The following DYDC2 variants were observed in gnomAD, a reference collection of about 807,000 sequenced individuals.
DYDC2 encodes DPY30 domain containing 2, also known as DPY30 domain-containing protein 2.
A neutral mutation model predicts 18.7 loss-of-function variants in DYDC2; 19 were observed. The ratio of observed to expected loss-of-function variants is 1.02; its 90% confidence interval spans 0.71 to 1.49. DYDC2 has a LOEUF of 1.49. Ranked by LOEUF, DYDC2 falls within the 40% of genes most tolerant of loss-of-function variation. The pLI, the probability that DYDC2 is intolerant of heterozygous loss-of-function variation, is 0.00. For missense variants in DYDC2, 179 were observed against 205.1 expected (o/e 0.87, Z 0.78); for synonymous variants, 63 against 67.6 (o/e 0.93, Z 0.34).
intron 1 of DYDC2, among the ~76,000 whole-genome samples, chr10:80,346,152 AT>A (rs1226849139): frequency 1.3e-5 from 2 of 151,944 alleles, no homozygotes; most frequent in Non-Finnish European, 2.9e-5. Context: ...TCAGCTCACA[AT>A]TTCTTTATCC....
At chr10:80,346,444 C>CTTTT (rs1032729095) in intron 1 of DYDC2, among the ~76,000 whole-genome samples, 4,108 of 83,210 alleles carry the variant, frequency 0.049, 348 homozygotes, top group South Asian at 0.11. Context: ...TCTTCCCTTT[C>CTTTT]TTTTTTTTTT....
intron 1 of DYDC2, among the ~76,000 whole-genome samples, chr10:80,349,481 TA>T (rs1564664880): frequency 2.0e-5 from 3 of 152,182 alleles, no homozygotes; most frequent in Admixed American, 2.0e-4. Flanking sequence ...CAATGCATTC[TA>T]AAATAATAAA....
At chr10:80,365,624 G>A (rs927462786) in intron 4 of DYDC2, among the ~76,000 whole-genome samples, 1 of 152,148 alleles carries the variant, frequency 6.6e-6, no homozygotes, top group African/African-American at 2.4e-5. Context: ...GAAGTGGAGG[G>A]GATCAGTAGA....
rs370253246 is a variant in DYDC2 at position 80,366,770 on chromosome 10, A to G, written c.353A>G (p.Lys118Arg). Reference sequence around the variant, plus strand: ...AACCCCCTTGAGAAGGAGGCCTTGAAGCAGGAATTCCTGCCAGGTACTTCC... The same window carrying G: ...AACCCCCTTGAGAAGGAGGCCTTGAGGCAGGAATTCCTGCCAGGTACTTCC... Reference protein sequence around the residue: ...DTNPLEKEALKQEFLPGTSSL... With the variant: ...DTNPLEKEALRQEFLPGTSSL... The change falls in exon 5 of 5, where the codon AAG (lysine) becomes AGG (arginine). Residue 118 changes from lysine to arginine, a missense_variant. By Grantham distance (26) the Lys-to-Arg change is conservative. Coordinates refer to ENST00000256039, the MANE Select transcript of DYDC2 (RefSeq NM_032372.6). 3.2e-5 allele frequency: 51 copies of G among 1,614,174 alleles called. No homozygotes were observed. Among genetic ancestry groups the G allele is most frequent in the Non-Finnish European group, 4.3e-5 (51 of 1,180,016 alleles).
At chr10:80,355,677 C>A (rs1438588259), upstream of DYDC2, among the ~76,000 whole-genome samples, 1 of 152,038 alleles carries the variant, frequency 6.6e-6, no homozygotes, top group Non-Finnish European at 1.5e-5. Flanking sequence ...CTCTAAGACA[C>A]AGAATAAAGA....
intron 1 of DYDC2, among the ~76,000 whole-genome samples, chr10:80,346,918 T>C: frequency 6.6e-6 from 1 of 150,588 alleles, no homozygotes; most frequent in Non-Finnish European, 1.5e-5. Context: ...CTACTAAAAA[T>C]ACAAAAAAAA....
intron 1 of DYDC2, among the ~76,000 whole-genome samples, chr10:80,357,408 A>G (rs896944642): frequency 2.0e-5 from 3 of 152,018 alleles, no homozygotes; most frequent in Non-Finnish European, 4.4e-5. Context: ...GGGGCACACA[A>G]AAGAGCAAGG....
intron 1 of DYDC2, among the ~76,000 whole-genome samples, chr10:80,348,635 A>G (rs1005531444): frequency 2.0e-5 from 3 of 152,270 alleles, no homozygotes; most frequent in Non-Finnish European, 4.4e-5. Flanking sequence ...AAATTTCCAT[A>G]TTCTGAAATC....
intron 3 of DYDC2, 149 bp downstream of exon 3, chr10:80,362,739 G>T: frequency 7.2e-7 from 1 of 1,381,944 alleles, no homozygotes; most frequent in South Asian, 1.5e-5. Context: ...GAAGCATGGG[G>T]ATCCTGGGGG....
At chr10:80,364,585 G>C (rs1011703659) in intron 4 of DYDC2, among the ~76,000 whole-genome samples, 1 of 152,150 alleles carries the variant, frequency 6.6e-6, no homozygotes, top group Admixed American at 6.6e-5. Flanking sequence ...CTGAGGTTTT[G>C]CATCCTGCAG....
At chr10:80,362,387 T>C in intron 2 of DYDC2, 48 bp from the exon 3 acceptor site, 3 of 1,571,036 alleles carry the variant, frequency 1.9e-6, no homozygotes, top group Non-Finnish European at 2.6e-6. Flanking sequence ...ATTTTTAATA[T>C]CAGATTAAGT....
chr10:80,364,494 T>G (rs1843765324), intron 4 of DYDC2, among the ~76,000 whole-genome samples: 1 of 152,184 alleles, frequency 6.6e-6, no homozygotes, highest in South Asian at 2.1e-4. Context: ...CTCCCAAAAC[T>G]TCACCCTAGT....
At chr10:80,349,118 C>T (rs533333302) in intron 1 of DYDC2, among the ~76,000 whole-genome samples, 1 of 152,276 alleles carries the variant, frequency 6.6e-6, no homozygotes, top group Admixed American at 6.5e-5. Context: ...GTCTCGATCT[C>T]CTGACCCTGT....
At chr10:80,356,081 G>A (rs577432860), upstream of DYDC2, among the ~76,000 whole-genome samples, 1 of 151,914 alleles carries the variant, frequency 6.6e-6, no homozygotes, top group Non-Finnish European at 1.5e-5. Context: ...TCCCTAAAGA[G>A]AAAACTTCTG....
chr10:80,360,353 G>T lies in DYDC2; in HGVS notation c.-9-2082G>T, dbSNP rs116832300. Among the ~76,000 whole-genome samples, 451 of 152,260 alleles carry T rather than the reference G, an allele frequency of 3.0e-3. 3 individuals are homozygous for T. The highest frequency in any genetic ancestry group is 0.01 in the African/African-American group (430 of 41,578). On this transcript the variant is annotated intron_variant, in intron 2 of 4. Transcript: ENST00000256039. ...TTCCAGCTTCTAGAGGATACCCTTG[G>T]CTCAAGGCCCTGAATCACATCGCTT...
Position 80,366,997 on chromosome 10 carries a change from A to G in DYDC2, c.*46A>G, listed in dbSNP as rs752060486. The G allele has an allele frequency of 7.7e-6, 12 of 1,557,764 alleles. No homozygotes were observed. Among genetic ancestry groups the G allele is most frequent in the Middle Eastern group, 1.9e-4 (1 of 5,390 alleles). On this transcript the variant is annotated 3_prime_UTR_variant, in exon 5 of 5. Transcript: ENST00000256039. ...CTGATTTACTTCTCTCAAAGCTAGA[A>G]GCCAAGAAAATGGCCAGCTAGAACC...
chr10:80,356,727 T>G, upstream of DYDC2: 1 of 985,368 alleles, frequency 1.0e-6, no homozygotes, highest in Non-Finnish European at 1.2e-6. Flanking sequence ...CACACGCGCC[T>G]GCTCGCCACC....
At chr10:80,356,962 G>A in intron 1 of DYDC2, 137 bp downstream of exon 1, 2 of 613,436 alleles carry the variant, frequency 3.3e-6, no homozygotes, top group Non-Finnish European at 4.0e-6. Context: ...GAGGGGGCGT[G>A]CAGGAGTAGG....
At chr10:80,355,738 A>G (rs915052620), upstream of DYDC2, among the ~76,000 whole-genome samples, 1 of 152,222 alleles carries the variant, frequency 6.6e-6, no homozygotes, top group Non-Finnish European at 1.5e-5. Context: ...TATTAGCAAC[A>G]GCAGTGGGGA....
Sources: allele counts gnomAD v4.1 joint callset (sites outside exome capture counted in the v4.1 genomes callset), GRCh38; gene constraint gnomAD v4.1.1; transcripts MANE v1.5; gene names NCBI Gene and HGNC (gene_info 2026-07-23, HGNC 2026-07-21).